Variants in STX8 observed in about 807,000 individuals in gnomAD.
The protein encoded by STX8 is syntaxin 8, also known as syntaxin-8.
In STX8, 23 loss-of-function variants were observed where a neutral mutation model predicts 37.5. The ratio of observed to expected loss-of-function variants is 0.61; its 90% confidence interval spans 0.44 to 0.87. The LOEUF (loss-of-function observed/expected upper bound fraction) is 0.87. Among genes scored for constraint, STX8 ranks in the 40% least tolerant of loss-of-function variants. The pLI is 0.00. For synonymous variants in STX8, 115 were observed against 99.1 expected, an observed-to-expected ratio of 1.16 and a Z score of -0.95; for missense variants, 313 against 284.7, an observed-to-expected ratio of 1.10 and a Z score of -0.71.
At chr17:9,477,107 C>T (rs1433352260) in intron 6 of STX8, among the ~76,000 whole-genome samples, 2 of 152,098 alleles carry the variant, frequency 1.3e-5, no homozygotes, top group African/African-American at 4.8e-5. Flanking sequence ...ATCCACCTAC[C>T]TCGACTTCTC....
At chr17:9,436,815 G>T (rs2142379645) in intron 6 of STX8, among the ~76,000 whole-genome samples, 1 of 152,306 alleles carries the variant, frequency 6.6e-6, no homozygotes, top group Middle Eastern at 3.4e-3. Flanking sequence ...CTTGCCCCAG[G>T]TTAGTGGAAT....
intron 6 of STX8, among the ~76,000 whole-genome samples, chr17:9,459,461 G>A (rs1163199514): frequency 6.6e-6 from 1 of 152,210 alleles, no homozygotes; most frequent in Admixed American, 6.5e-5. Context: ...TGCTGCCAGG[G>A]TGAAGAAGCG....
intron 4 of STX8, among the ~76,000 whole-genome samples, chr17:9,513,880 A>T (rs1905093949): frequency 6.6e-6 from 1 of 152,252 alleles, no homozygotes; most frequent in Non-Finnish European, 1.5e-5. Flanking sequence ...ACATGGATGG[A>T]GCTGGAGGAC....
At chr17:9,534,274 C>CA (rs1405930892) in intron 4 of STX8, among the ~76,000 whole-genome samples, 15 of 150,694 alleles carry the variant, frequency 1.0e-4, no homozygotes, top group African/African-American at 3.7e-4. Flanking sequence ...TAAATTTGAC[C>CA]AAAAACATGT....
intron 6 of STX8, among the ~76,000 whole-genome samples, chr17:9,455,439 G>T (rs1905160994): frequency 6.6e-6 from 1 of 152,096 alleles, no homozygotes; most frequent in African/African-American, 2.4e-5. Flanking sequence ...GGCGGAGGTT[G>T]CAGTGAGCCG....
Position 9,568,379 on chromosome 17 carries a change from C to A in STX8, c.109G>T (p.Ala37Ser). The change falls in exon 2 of 8, where the codon GCA becomes TCA. Residue 37 changes from alanine to serine, a missense_variant. Physicochemically the swap from Ala to Ser is moderately conservative, Grantham distance 99 (BLOSUM62 1). Transcript: ENST00000306357. ...RNQYERKGEK[A>S]PKLTVTIRAL... The stretch of plus-strand genomic sequence containing the variant: ...TTCCTTCATGGTATTACCTTTGGTG[C>A]CTTTTCACCTTTTCTTTCATATTGA... 6.2e-7 allele frequency: 1 copy of A among 1,610,440 alleles called. No individual in the cohort carries two copies. The highest frequency in any genetic ancestry group is 2.2e-4 in the Middle Eastern group (1 of 4,612).
At chr17:9,497,355 T>C (rs991912514) in intron 5 of STX8, among the ~76,000 whole-genome samples, 1 of 152,214 alleles carries the variant, frequency 6.6e-6, no homozygotes, top group African/African-American at 2.4e-5. Context: ...TTAAGGATGA[T>C]AATGGCATGT....
intron 6 of STX8, among the ~76,000 whole-genome samples, chr17:9,405,714 C>G (rs1912778381): frequency 6.6e-6 from 1 of 152,212 alleles, no homozygotes; most frequent in Non-Finnish European, 1.5e-5. Context: ...CAATGAAAAT[C>G]TGTCAGGCAG....
chr17:9,508,336 A>T (rs1428692684), intron 4 of STX8, among the ~76,000 whole-genome samples: 1 of 151,918 alleles, frequency 6.6e-6, no homozygotes, highest in Non-Finnish European at 1.5e-5. Flanking sequence ...TTATTTATTT[A>T]TTTTTTTGGA....
chr17:9,458,924 G>A (rs890971395), intron 6 of STX8, among the ~76,000 whole-genome samples: 1 of 151,296 alleles, frequency 6.6e-6, no homozygotes. Context: ...CCACCTCCCG[G>A]GTTCACGCCA....
In STX8 at chr17:9,378,664, A is replaced by T. The variant is rs1322025178; in HGVS notation, c.542-11T>A. The T allele has an allele frequency of 6.3e-7, 1 of 1,595,970 alleles. No homozygotes were observed. Among genetic ancestry groups the T allele is most frequent in the African/African-American group, 1.3e-5 (1 of 74,604 alleles). The stretch of plus-strand genomic sequence containing the variant: ...GGTCGTCAATTATCTCTAGAAAGGA[A>T]ACATACATGATTACTATTCCTGAAA... On this transcript the variant is annotated splice_polypyrimidine_tract_variant and intron_variant, in intron 6 of 7. Transcript: ENST00000306357.
chr17:9,379,794 C>G (rs961658656), intron 6 of STX8, among the ~76,000 whole-genome samples: 2 of 151,994 alleles, frequency 1.3e-5, no homozygotes, highest in African/African-American at 2.4e-5. Context: ...CATGGTGAAA[C>G]CCCGTCTCTA....
At chr17:9,485,591 G>GTTT (rs5819231) in intron 6 of STX8, among the ~76,000 whole-genome samples, 4 of 145,974 alleles carry the variant, frequency 2.7e-5, no homozygotes, top group African/African-American at 1.0e-4. Context: ...TTGTTTTTTG[G>GTTT]TTTTTTTTTT....
chr17:9,531,511 G>A lies in STX8; in HGVS notation c.323+13661C>T, dbSNP rs186603577. ...CCAGAGTTTCAGTTACCCACACTCC[G>A]AAAATATTATAGACAATAAGATATT... On this transcript the variant is annotated intron_variant, in intron 4 of 7. Transcript: ENST00000306357. 2.9e-3 allele frequency among the ~76,000 whole-genome samples: 443 copies of A among 152,154 alleles called. 4 individuals carry two copies. The highest frequency in any genetic ancestry group is 7.5e-4 in the Non-Finnish European group (51 of 68,000).
chr17:9,501,576 A>C (rs1261774977), intron 5 of STX8, among the ~76,000 whole-genome samples: 4 of 152,120 alleles, frequency 2.6e-5, no homozygotes, highest in African/African-American at 9.7e-5. Context: ...CTGTAATCCC[A>C]GCTACTCAGG....
chr17:9,277,187 ATCTTCATGAC>A (rs1907706931), intron 7 of STX8, among the ~76,000 whole-genome samples: 1 of 152,170 alleles, frequency 6.6e-6, no homozygotes, highest in Non-Finnish European at 1.5e-5. Flanking sequence ...GCGGATGAAC[ATCTTCATGAC>A]TTAAAAATGA....
At chr17:9,345,237 G>A (rs1910492395) in intron 7 of STX8, among the ~76,000 whole-genome samples, 1 of 151,734 alleles carries the variant, frequency 6.6e-6, no homozygotes, top group South Asian at 2.1e-4. Context: ...TGAAACCTCT[G>A]CTCCAGGTTT....
intron 7 of STX8, among the ~76,000 whole-genome samples, chr17:9,371,552 G>A (rs1035094250): frequency 3.3e-5 from 5 of 151,986 alleles, no homozygotes; most frequent in Admixed American, 1.3e-4. Flanking sequence ...CCCCTCAAAC[G>A]CCTTTCTTAT....
chr17:9,304,803 T>C lies in STX8; in HGVS notation c.644-54158A>G, dbSNP rs558510330. Among the ~76,000 whole-genome samples, 23 of 151,882 alleles carry C rather than the reference T, an allele frequency of 1.5e-4. No individual in the cohort carries two copies. In the South Asian group the frequency reaches 4.6e-3, roughly 30 times the overall value. On this transcript the variant is annotated intron_variant, in intron 7 of 7. Coordinates refer to ENST00000306357, the MANE Select transcript of STX8 (RefSeq NM_004853.3). ...TTGGAGGGCAATCTGGTAAAATTGATCAAAATTTCCACTCTGGGAACCATC... is the reference window on the plus strand; with the variant it reads ...TTGGAGGGCAATCTGGTAAAATTGACCAAAATTTCCACTCTGGGAACCATC...
Sources: gnomAD v4.1 joint callset for allele counts (sites outside exome capture counted in the v4.1 genomes callset) on GRCh38, gnomAD v4.1.1 for gene constraint, MANE v1.5 for transcripts, NCBI Gene and HGNC (gene_info 2026-07-23, HGNC 2026-07-21) for gene names.